The following STK33 variants were observed in gnomAD, a reference collection of about 807,000 sequenced individuals.
STK33 encodes serine/threonine-protein kinase 33.
Under a neutral mutation model 58.0 loss-of-function variants are expected in STK33, and 52 were observed. That is an observed-to-expected ratio of 0.90 (90% CI 0.72 to 1.13). STK33 has a LOEUF of 1.13. STK33 is among the 50% of genes most tolerant of loss of function. The probability of loss-of-function intolerance (pLI) is 0.00; values close to 1 mark genes in which losing one functional copy is unlikely to be tolerated. For synonymous variants in STK33, 215 were observed against 200.1 expected (o/e 1.07, Z -0.63); for missense variants, 630 against 604.2 (o/e 1.04, Z -0.45).
At chr11:8,553,792 T>C (rs1384643132) in intron 1 of STK33, among the ~76,000 whole-genome samples, 1 of 152,026 alleles carries the variant, frequency 6.6e-6, no homozygotes, top group Non-Finnish European at 1.5e-5. Flanking sequence ...ATACCATATA[T>C]AAAAATCAAC....
chr11:8,415,454 T>C (rs1250211049), intron 14 of STK33, among the ~76,000 whole-genome samples: 3 of 152,094 alleles, frequency 2.0e-5, no homozygotes, highest in South Asian at 2.1e-4. Context: ...CTTTAAGAGA[T>C]AGTATGCAAT....
chr11:8,521,728 C>T (rs1480729701), intron 1 of STK33, among the ~76,000 whole-genome samples: 2 of 152,120 alleles, frequency 1.3e-5, no homozygotes, highest in East Asian at 3.9e-4. Flanking sequence ...ATCTACCCAT[C>T]TGAAAGGGCT....
At chr11:8,395,782 C>T (rs775078139) in intron 15 of STK33, among the ~76,000 whole-genome samples, 14 of 152,236 alleles carry the variant, frequency 9.2e-5, no homozygotes, top group East Asian at 1.9e-4. Flanking sequence ...TTTGCACGTT[C>T]GTAAGTTTTT....
rs187332362 is a variant in STK33, at chr11:8,446,864, C to G, written c.871+5958G>C. Among the ~76,000 whole-genome samples, 8 of 152,210 alleles carry G rather than the reference C, an allele frequency of 5.3e-5. No individual in the cohort carries two copies. In the East Asian group the frequency reaches 1.5e-3, roughly 29 times the overall value. On this transcript the variant is annotated intron_variant, in intron 11 of 15. Coordinates refer to ENST00000687296, the MANE Select transcript of STK33 (RefSeq NM_001352389.2). ...ATGTAAGACCTAAAACCATAAAAAACCTAGAAGAAAACCTAAGCAATACCA... is the reference window on the plus strand; with the variant it reads ...ATGTAAGACCTAAAACCATAAAAAAGCTAGAAGAAAACCTAAGCAATACCA...
intron 11 of STK33, among the ~76,000 whole-genome samples, chr11:8,446,973 C>T (rs1256622979): frequency 2.0e-5 from 3 of 152,268 alleles, no homozygotes; most frequent in East Asian, 3.9e-4. Context: ...CAAATGGGAT[C>T]TAATTAAACT....
chr11:8,457,798 G>A (rs111819884), intron 8 of STK33, among the ~76,000 whole-genome samples: 107 of 152,284 alleles, frequency 7.0e-4, no homozygotes, highest in African/African-American at 2.5e-3. Context: ...ATTAAGACCA[G>A]GTCTAGATGT....
chr11:8,448,706 T>C (rs955226892), intron 11 of STK33, among the ~76,000 whole-genome samples: 30 of 152,092 alleles, frequency 2.0e-4, no homozygotes, highest in African/African-American at 7.2e-4. Flanking sequence ...GCAATACCAT[T>C]CAGGACATAG....
intron 6 of STK33, among the ~76,000 whole-genome samples, chr11:8,468,774 A>G (rs546939068): frequency 6.6e-6 from 1 of 152,212 alleles, no homozygotes; most frequent in Non-Finnish European, 1.5e-5. Flanking sequence ...TTATTCTTAT[A>G]TTTATATGCA....
At chr11:8,448,995 A>G (rs1945899502) in intron 11 of STK33, among the ~76,000 whole-genome samples, 1 of 151,924 alleles carries the variant, frequency 6.6e-6, no homozygotes, top group African/African-American at 2.4e-5. Flanking sequence ...CACTTCTCAA[A>G]AGAAGACATT....
At chr11:8,424,455 G>A (rs1176626690) in intron 14 of STK33, among the ~76,000 whole-genome samples, 1 of 151,390 alleles carries the variant, frequency 6.6e-6, no homozygotes, top group Non-Finnish European at 1.5e-5. Context: ...ACATACGTGT[G>A]CATGTGTCTT....
At chr11:8,507,608 A>C (rs1951960799) in intron 1 of STK33, among the ~76,000 whole-genome samples, 1 of 152,144 alleles carries the variant, frequency 6.6e-6, no homozygotes. Flanking sequence ...ATCTTAAAGA[A>C]GACTAAATAA....
rs776008264 is a variant in STK33, at chr11:8,440,768, G to A, written c.872-15C>T. The A allele has an allele frequency of 5.2e-6, 8 of 1,551,492 alleles. No individual in the cohort carries two copies. In the Admixed American group the frequency reaches 1.4e-4, roughly 26 times the overall value. ...AACTTCAGGGGCTGCCAAACAAGCA[G>A]ATATAAAATAACATTAATAATACAA... On this transcript the variant is annotated splice_polypyrimidine_tract_variant and intron_variant, in intron 11 of 15. Coordinates refer to ENST00000687296, the MANE Select transcript of STK33 (RefSeq NM_001352389.2).
chr11:8,452,074 G>A (rs1384296711), intron 11 of STK33, among the ~76,000 whole-genome samples: 1 of 151,890 alleles, frequency 6.6e-6, no homozygotes, highest in African/African-American at 2.4e-5. Flanking sequence ...GTGGTGGCAG[G>A]TGCCTGTAAT....
intron 15 of STK33, among the ~76,000 whole-genome samples, chr11:8,397,291 A>G: frequency 6.6e-6 from 1 of 152,204 alleles, no homozygotes; most frequent in Non-Finnish European, 1.5e-5. Context: ...AGGCAGCAAC[A>G]TTTGCTGTTC....
At chr11:8,494,519 C>G (rs1950893333) in intron 1 of STK33, among the ~76,000 whole-genome samples, 1 of 152,138 alleles carries the variant, frequency 6.6e-6, no homozygotes, top group African/African-American at 2.4e-5. Flanking sequence ...GCCATACTGC[C>G]CAAGGTAATT....
intron 6 of STK33, among the ~76,000 whole-genome samples, chr11:8,471,439 C>T (rs1948769125): frequency 6.6e-6 from 1 of 151,512 alleles, no homozygotes; most frequent in Non-Finnish European, 1.5e-5. Context: ...AGAAGAAGTC[C>T]ATGACATAGT....
At chr11:8,518,154 T>A (rs1324992636) in intron 1 of STK33, among the ~76,000 whole-genome samples, 9 of 152,110 alleles carry the variant, frequency 5.9e-5, no homozygotes, top group Non-Finnish European at 1.5e-5. Context: ...TGGCAGAAAC[T>A]CTACAAGCCA....
intron 15 of STK33, among the ~76,000 whole-genome samples, chr11:8,397,648 T>A (rs879027945): frequency 6.6e-6 from 1 of 151,972 alleles, no homozygotes; most frequent in African/African-American, 2.4e-5. Context: ...AGGCTTTAGA[T>A]GATCAAACTA....
At chr11:8,354,451 C>A in the STK33 span, among the ~76,000 whole-genome samples, 28 of 144,538 alleles carry the variant, frequency 1.9e-4, no homozygotes. Context: ...GATCAACATT[C>A]CAGAGTACAA....
Sources: gnomAD v4.1 joint callset for allele counts (sites outside exome capture counted in the v4.1 genomes callset) on GRCh38, gnomAD v4.1.1 for gene constraint, MANE v1.5 for transcripts, NCBI Gene and HGNC (gene_info 2026-07-23, HGNC 2026-07-21) for gene names.